Variants in EPHA6 observed in about 807,000 individuals in gnomAD.
EPHA6 encodes the protein ephrin type-A receptor 6.
A neutral mutation model predicts 112.0 loss-of-function variants in EPHA6; 50 were observed. That is an observed-to-expected ratio of 0.45 (90% CI 0.36 to 0.56). The LOEUF (loss-of-function observed/expected upper bound fraction) is 0.56, where lower values mean the gene tolerates loss of function less well. Ranked by LOEUF, EPHA6 falls within the 20% of genes least tolerant of loss-of-function variation. The probability of loss-of-function intolerance (pLI) is 0.00; values close to 1 mark genes in which losing one functional copy is unlikely to be tolerated. For synonymous variants in EPHA6, 529 were observed against 490.7 expected, an observed-to-expected ratio of 1.08 and a Z score of -1.03; for missense variants, 1,280 against 1,417.4, an observed-to-expected ratio of 0.90 and a Z score of 1.56.
At chr3:97,122,264 A>G (rs1267048835) in intron 3 of EPHA6, among the ~76,000 whole-genome samples, 3 of 152,054 alleles carry the variant, frequency 2.0e-5, no homozygotes, top group Admixed American at 6.6e-5. Context: ...GGTATCAACA[A>G]TCGTTGTGCT....
intron 14 of EPHA6, among the ~76,000 whole-genome samples, chr3:97,654,850 G>T (rs2094128305): frequency 6.6e-6 from 1 of 151,630 alleles, no homozygotes; most frequent in Non-Finnish European, 1.5e-5. Flanking sequence ...ACAAAAGGAA[G>T]CCACTGGAAA....
chr3:97,476,307 T>A (rs1053073129), intron 8 of EPHA6, among the ~76,000 whole-genome samples: 2 of 152,184 alleles, frequency 1.3e-5, no homozygotes, highest in East Asian at 3.9e-4. Context: ...CCTCAACAGA[T>A]TTTTTATAAT....
intron 14 of EPHA6, among the ~76,000 whole-genome samples, chr3:97,695,885 A>C (rs1412316350): frequency 6.6e-6 from 1 of 152,224 alleles, no homozygotes; most frequent in Non-Finnish European, 1.5e-5. Flanking sequence ...AAATCACTGA[A>C]CCAAACCAGA....
At chr3:97,117,458 T>C (rs1393190048) in intron 3 of EPHA6, among the ~76,000 whole-genome samples, 1 of 151,846 alleles carries the variant, frequency 6.6e-6, no homozygotes, top group Non-Finnish European at 1.5e-5. Context: ...TTTCAGTATG[T>C]TTGCATCTTT....
At chr3:97,183,774 G>A (rs902425045) in intron 3 of EPHA6, among the ~76,000 whole-genome samples, 1 of 152,008 alleles carries the variant, frequency 6.6e-6, no homozygotes, top group Non-Finnish European at 1.5e-5. Context: ...TGTCATGTCA[G>A]CATTGTAAAT....
chr3:96,845,144 G>A (rs1056098927), intron 1 of EPHA6, among the ~76,000 whole-genome samples: 5 of 151,914 alleles, frequency 3.3e-5, no homozygotes, highest in African/African-American at 9.7e-5. Context: ...CTTTAGGAAA[G>A]CAGGTTTTAT....
rs550524673 is a variant in EPHA6, at chr3:97,759,289, G to A, written c.*10588G>A. Reference sequence around the variant, plus strand: ...AATAGTGGAGTCAACTATCAACTATGAAATAGTGGAGTCAAATCCCAACTG... The same window carrying A: ...AATAGTGGAGTCAACTATCAACTATAAAATAGTGGAGTCAAATCCCAACTG... On this transcript the variant is annotated 3_prime_UTR_variant, in exon 18 of 18. Coordinates refer to ENST00000389672, the MANE Select transcript of EPHA6 (RefSeq NM_001080448.3). Among the ~76,000 whole-genome samples, 9 of 152,028 alleles carry A rather than the reference G, an allele frequency of 5.9e-5. No individual in the cohort carries two copies. The highest frequency in any genetic ancestry group is 2.2e-4 in the African/African-American group (9 of 41,532).
chr3:96,841,981 C>T (rs565833397), intron 1 of EPHA6, among the ~76,000 whole-genome samples: 2 of 152,054 alleles, frequency 1.3e-5, no homozygotes, highest in South Asian at 2.1e-4. Flanking sequence ...TTAAAAGTCC[C>T]GGGATGGAAC....
intron 3 of EPHA6, among the ~76,000 whole-genome samples, chr3:97,184,028 A>G (rs1419302915): frequency 2.6e-5 from 4 of 152,132 alleles, no homozygotes; most frequent in Admixed American, 1.3e-4. Context: ...ACATAGTTTT[A>G]TAGATAGAAT....
chr3:97,569,709 A>C (rs989139557), intron 11 of EPHA6, among the ~76,000 whole-genome samples: 1 of 152,220 alleles, frequency 6.6e-6, no homozygotes, highest in Non-Finnish European at 1.5e-5. Flanking sequence ...TTTTAATTGA[A>C]AGGGATTCTT....
intron 15 of EPHA6, among the ~76,000 whole-genome samples, chr3:97,722,915 T>C (rs1327318572): frequency 1.3e-5 from 2 of 152,118 alleles, no homozygotes; most frequent in Admixed American, 6.6e-5. Context: ...TTAGTAACCA[T>C]GGCCACAGTT....
intron 3 of EPHA6, among the ~76,000 whole-genome samples, chr3:96,993,767 A>G (rs2043304486): frequency 6.6e-6 from 1 of 152,186 alleles, no homozygotes; most frequent in Non-Finnish European, 1.5e-5. Flanking sequence ...ATGAAAATAT[A>G]TATAGATATG....
chr3:96,839,183 G>A (rs2034588361), intron 1 of EPHA6, among the ~76,000 whole-genome samples: 1 of 152,082 alleles, frequency 6.6e-6, no homozygotes, highest in Non-Finnish European at 1.5e-5. Flanking sequence ...CTGCAGACTG[G>A]TACTAGTTCA....
chr3:97,031,060 T>G (rs1014590999), intron 3 of EPHA6, among the ~76,000 whole-genome samples: 1 of 151,924 alleles, frequency 6.6e-6, no homozygotes, highest in East Asian at 1.9e-4. Flanking sequence ...AAGTTAAGAA[T>G]TTTTTAGAAG....
chr3:97,302,488 T>C (rs1333630698), intron 5 of EPHA6, among the ~76,000 whole-genome samples: 1 of 151,190 alleles, frequency 6.6e-6, no homozygotes. Context: ...TTTTTTTTTT[T>C]TAATTTATTA....
intron 2 of EPHA6, among the ~76,000 whole-genome samples, chr3:96,937,814 C>T (rs1422156798): frequency 6.6e-6 from 1 of 152,134 alleles, no homozygotes; most frequent in Non-Finnish European, 1.5e-5. Context: ...CCAGTTTCAG[C>T]TTTCTACATA....
At chr3:97,355,712 CTCT>C (rs1485593309) in intron 5 of EPHA6, among the ~76,000 whole-genome samples, 1 of 152,092 alleles carries the variant, frequency 6.6e-6, no homozygotes, top group African/African-American at 2.4e-5. Flanking sequence ...ACGGATTAAT[CTCT>C]TCTTTCAGAA....
At position 97,749,973 on chromosome 3, in the gene EPHA6, C is replaced by T. The variant is rs1033069071; in HGVS notation, c.*1272C>T. Among the ~76,000 whole-genome samples, 4 of 152,082 alleles carry T rather than the reference C, an allele frequency of 2.6e-5. No individual in the cohort carries two copies. Among genetic ancestry groups the T allele is most frequent in the Admixed American group, 6.6e-5 (1 of 15,262 alleles). On this transcript the variant is annotated 3_prime_UTR_variant, in exon 18 of 18. Coordinates refer to ENST00000389672, the MANE Select transcript of EPHA6 (RefSeq NM_001080448.3). ...CAGTTACATAAAAATGAGAACACAG[C>T]TGTGTTGTCATAATCTTCTGAGAGG...
intron 14 of EPHA6, among the ~76,000 whole-genome samples, chr3:97,682,270 C>T (rs1054151668): frequency 2.6e-5 from 4 of 152,002 alleles, no homozygotes; most frequent in African/African-American, 9.7e-5. Flanking sequence ...GTGATGAAAA[C>T]CATCATGTCT....
Sources: allele counts gnomAD v4.1 joint callset (sites outside exome capture counted in the v4.1 genomes callset), GRCh38; gene constraint gnomAD v4.1.1; transcripts MANE v1.5; gene names NCBI Gene and HGNC (gene_info 2026-07-23, HGNC 2026-07-21).